Variants in PKD2 observed in about 807,000 individuals in gnomAD.
The protein encoded by PKD2 is polycystin-2.
A neutral mutation model predicts 105.9 loss-of-function variants in PKD2; 48 were observed. That is an observed-to-expected ratio of 0.45 (90% CI 0.36 to 0.58). The LOEUF (loss-of-function observed/expected upper bound fraction) is 0.58. Ranked by LOEUF, PKD2 falls within the 20% of genes least tolerant of loss-of-function variation. PKD2 has a pLI of 0.00. For synonymous variants in PKD2, 464 were observed against 481.1 expected, an observed-to-expected ratio of 0.96 and a Z score of 0.46; for missense variants, 1,078 against 1,255.3, an observed-to-expected ratio of 0.86 and a Z score of 2.13.
chr4:88,028,786 C>T (rs1347655120), intron 2 of PKD2, among the ~76,000 whole-genome samples: 2 of 152,178 alleles, frequency 1.3e-5, no homozygotes, highest in African/African-American at 2.4e-5. Flanking sequence ...ATGCTTATCA[C>T]TTTTGCACCA....
intron 7 of PKD2, among the ~76,000 whole-genome samples, chr4:88,053,438 C>G (rs568686078): frequency 6.6e-6 from 1 of 152,210 alleles, no homozygotes; most frequent in South Asian, 2.1e-4. Context: ...AGATAGGTCC[C>G]CTGAGCCCAG....
chr4:88,070,949 A>T (rs949981296), intron 13 of PKD2, among the ~76,000 whole-genome samples: 1 of 151,666 alleles, frequency 6.6e-6, no homozygotes, highest in Non-Finnish European at 1.5e-5. Flanking sequence ...TTTTTTATTT[A>T]TTATACTTTT....
At chr4:88,059,875 C>T (rs903470101) in intron 9 of PKD2, among the ~76,000 whole-genome samples, 4 of 152,074 alleles carry the variant, frequency 2.6e-5, no homozygotes, top group East Asian at 1.9e-4. Flanking sequence ...CTTTCTGAGC[C>T]GATTGCCTGG....
chr4:88,020,901 A>G (rs559157852), intron 2 of PKD2, among the ~76,000 whole-genome samples: 1 of 152,070 alleles, frequency 6.6e-6, no homozygotes, highest in South Asian at 2.1e-4. Flanking sequence ...TTTGCTGCCT[A>G]TACTGGTCTC....
At chr4:88,013,126 C>T (rs1465164607) in intron 1 of PKD2, among the ~76,000 whole-genome samples, 1 of 152,110 alleles carries the variant, frequency 6.6e-6, no homozygotes, top group East Asian at 1.9e-4. Flanking sequence ...TCCTCCCTTT[C>T]CTTTTTTATT....
chr4:88,074,257 C>T (rs1216556731), intron 13 of PKD2, among the ~76,000 whole-genome samples: 1 of 152,108 alleles, frequency 6.6e-6, no homozygotes, highest in African/African-American at 2.4e-5. Flanking sequence ...TCAGGTGATC[C>T]TTCCACCTCA....
rs73841280 is a variant in PKD2 at position 88,065,389 on chromosome 4, T to C, written c.2134T>C (p.Leu712=). 9.8e-4 allele frequency: 1,580 copies of C among 1,612,206 alleles called. 17 individuals are homozygous for C. In the African/African-American group the frequency reaches 0.018, roughly 19 times the overall value. The change falls in exon 11 of 15, where the codon TTG becomes CTG. Residue 712 remains leucine (L), a synonymous_variant. Transcript: ENST00000237596. ...TCTCTGATAGGGCTACCATAAAGCT[T>C]TGGTCAAACTAAAACTGAAAAAAAA... The part of the protein sequence containing the change: ...DLIRKGYHKA[L]VKLKLKKNTV...
chr4:88,065,904 ATTTGAT>A, intron 12 of PKD2, 25 bp downstream of exon 12: 1 of 1,330,394 alleles, frequency 7.5e-7, no homozygotes, highest in Non-Finnish European at 1.1e-6. Flanking sequence ...GGAGAACCGG[ATTTGAT>A]TTGGTACCTA....
intron 6 of PKD2, among the ~76,000 whole-genome samples, chr4:88,050,681 T>G (rs1277699468): frequency 1.3e-5 from 2 of 152,018 alleles, no homozygotes; most frequent in Non-Finnish European, 2.9e-5. Context: ...CCCAAATGTT[T>G]TTCTACATGT....
intron 14 of PKD2, 97 bp downstream of exon 14, chr4:88,075,056 T>TA (rs375737133): frequency 1.7e-5 from 23 of 1,336,606 alleles, no homozygotes; most frequent in East Asian, 2.4e-5. Flanking sequence ...TGAAGAAGAG[T>TA]AAAAAAAATT....
In PKD2 at chr4:88,052,220, C is replaced by T. The variant is rs1720131918; in HGVS notation, c.1716+62C>T. On this transcript the variant is annotated intron_variant, in intron 7 of 14. Transcript: ENST00000237596. ...TATTTTCTTTAAAAAAAATGAGTTCCACAAAATCATGGAATACTTGAATTT... is the reference window on the plus strand; with the variant it reads ...TATTTTCTTTAAAAAAAATGAGTTCTACAAAATCATGGAATACTTGAATTT... 4.7e-6 allele frequency: 5 copies of T among 1,066,378 alleles called. No homozygotes were observed. In the Admixed American group the frequency reaches 7.3e-5, roughly 15 times the overall value. 66.1% of individuals were successfully genotyped at this position (1,066,378 alleles called of 1,614,324 possible).
At chr4:88,055,211 C>T (rs1720278346) in intron 7 of PKD2, among the ~76,000 whole-genome samples, 1 of 152,154 alleles carries the variant, frequency 6.6e-6, no homozygotes, top group Non-Finnish European at 1.5e-5. Flanking sequence ...GATAGAATGC[C>T]AATATTTCAG....
chr4:88,057,014 C>T lies in PKD2; in HGVS notation c.1898+747C>T, dbSNP rs182883887. 6.1e-3 allele frequency among the ~76,000 whole-genome samples: 929 copies of T among 151,702 alleles called. 5 individuals carry two copies. Among genetic ancestry groups the T allele is most frequent in the Middle Eastern group, 0.01 (3 of 294 alleles). On this transcript the variant is annotated intron_variant, in intron 8 of 14. Transcript: ENST00000237596. Reference sequence around the variant, plus strand: ...TTTGTTTTGTTTTGTTTTTGAGGCACGGTCTTGCTCTGTTGCCCAGGCTGG... The same window carrying T: ...TTTGTTTTGTTTTGTTTTTGAGGCATGGTCTTGCTCTGTTGCCCAGGCTGG...
chr4:88,037,715 CAA>C (rs1418483487), intron 3 of PKD2, among the ~76,000 whole-genome samples: 2 of 152,160 alleles, frequency 1.3e-5, no homozygotes, highest in African/African-American at 4.8e-5. Context: ...TACAAACTAA[CAA>C]GAGACTTTTG....
intron 5 of PKD2, among the ~76,000 whole-genome samples, chr4:88,044,090 T>G (rs1283465810): frequency 6.6e-6 from 1 of 152,158 alleles, no homozygotes; most frequent in Non-Finnish European, 1.5e-5. Context: ...GGACACTTAA[T>G]ATGGGCTAGG....
At chr4:88,073,225 A>C (rs1721105086) in intron 13 of PKD2, among the ~76,000 whole-genome samples, 1 of 150,680 alleles carries the variant, frequency 6.6e-6, no homozygotes, top group Admixed American at 6.6e-5. Context: ...AAACTTTTGT[A>C]ACAAGAGTGG....
intron 1 of PKD2, among the ~76,000 whole-genome samples, chr4:88,016,177 T>C (rs1189928870): frequency 6.6e-6 from 1 of 152,114 alleles, no homozygotes; most frequent in African/African-American, 2.4e-5. Context: ...TGGGGCCCGG[T>C]TCCTAACAGG....
chr4:88,048,140 G>A (rs1235671808), intron 6 of PKD2, among the ~76,000 whole-genome samples: 1 of 152,164 alleles, frequency 6.6e-6, no homozygotes, highest in Non-Finnish European at 1.5e-5. Context: ...CTTGGCATAG[G>A]TGTACCATGT....
intron 2 of PKD2, among the ~76,000 whole-genome samples, chr4:88,029,219 C>T (rs1255755716): frequency 2.6e-5 from 4 of 152,186 alleles, no homozygotes; most frequent in Non-Finnish European, 5.9e-5. Flanking sequence ...TCCTGTGTTC[C>T]TCCTTGCTGT....
Sources: allele counts gnomAD v4.1 joint callset (sites outside exome capture counted in the v4.1 genomes callset), GRCh38; gene constraint gnomAD v4.1.1; transcripts MANE v1.5; gene names NCBI Gene and HGNC (gene_info 2026-07-23, HGNC 2026-07-21).